Variants in CENPM observed in about 807,000 individuals in gnomAD.
The protein encoded by CENPM is centromere protein M.
A neutral mutation model predicts 19.6 loss-of-function variants in CENPM; 14 were observed. The observed-to-expected ratio is 0.71, with a 90% CI of 0.47 to 1.11. CENPM has a LOEUF of 1.11. Among genes scored for constraint, CENPM ranks in the 50% most tolerant of loss-of-function variants. The probability of loss-of-function intolerance (pLI) is 0.00; values close to 1 mark genes in which losing one functional copy is unlikely to be tolerated. For missense variants in CENPM, 239 were observed against 228.4 expected (o/e 1.05, Z -0.30); for synonymous variants, 114 against 101.5 (o/e 1.12, Z -0.74).
the CENPM span, among the ~76,000 whole-genome samples, chr22:41,929,877 A>G: frequency 6.6e-6 from 1 of 151,388 alleles, no homozygotes; most frequent in Admixed American, 6.6e-5. Flanking sequence ...AGAATTCACA[A>G]TCAGACCAAT....
chr22:41,941,357 A>C (rs2077736994), intron 5 of CENPM, among the ~76,000 whole-genome samples: 1 of 152,206 alleles, frequency 6.6e-6, no homozygotes. Flanking sequence ...CTATGTCCTG[A>C]GCAGGCATTT....
At chr22:41,944,585 A>G in intron 4 of CENPM, 1 of 843,530 alleles carries the variant, frequency 1.2e-6, no homozygotes, top group Non-Finnish European at 1.4e-6. Flanking sequence ...CAATAGGAAT[A>G]TGAAAACAAA....
intron 1 of CENPM, 85 bp downstream of exon 1, chr22:41,946,935 G>T: frequency 7.1e-7 from 1 of 1,400,390 alleles, no homozygotes; most frequent in Non-Finnish European, 1.0e-6. Context: ...CTGGCTTGGC[G>T]CCTCAGAGAG....
At chr22:41,928,812 G>T in the CENPM span, among the ~76,000 whole-genome samples, 1 of 152,124 alleles carries the variant, frequency 6.6e-6, no homozygotes, top group Non-Finnish European at 1.5e-5. This position sits in a 1 kb window ranked among gnomAD's most constrained non-coding sequence, Gnocchi z 4.0. Flanking sequence ...ACCTGCAAGG[G>T]TCCCTCTCTC....
In CENPM at chr22:41,946,015, A is replaced by G; in HGVS notation, c.138-10T>C. The G allele has an allele frequency of 1.2e-6, 2 of 1,606,508 alleles. No individual in the cohort carries two copies. The highest frequency in any genetic ancestry group is 2.2e-5 in the South Asian group (2 of 90,786). On this transcript the variant is annotated splice_polypyrimidine_tract_variant and intron_variant, in intron 2 of 5. Coordinates refer to ENST00000215980, the MANE Select transcript of CENPM (RefSeq NM_024053.5). Reference sequence around the variant, plus strand: ...GGACTTTGCCAAGTGGCTGAAAAACAGGAAATTGCAGGACTCAAGATATCC... The same window carrying G: ...GGACTTTGCCAAGTGGCTGAAAAACGGGAAATTGCAGGACTCAAGATATCC...
the CENPM span, among the ~76,000 whole-genome samples, chr22:41,927,230 T>G: frequency 2.6e-5 from 4 of 152,016 alleles, no homozygotes; most frequent in East Asian, 7.8e-4. Context: ...TGGCCTCTCT[T>G]TCTACCTGTG....
chr22:41,934,711 A>T (rs955339661), downstream of CENPM, among the ~76,000 whole-genome samples: 1 of 152,212 alleles, frequency 6.6e-6, no homozygotes, highest in African/African-American at 2.4e-5. Context: ...CCAGTCCTCA[A>T]CTAGCTAGGA....
intron 4 of CENPM, chr22:41,944,166 G>A (rs535076375): frequency 8.4e-5 from 83 of 985,174 alleles, no homozygotes; most frequent in South Asian, 6.6e-4. Flanking sequence ...GAGGACGGCC[G>A]GGTGCGGTGG....
At chr22:41,936,404 C>G (rs748301525), downstream of CENPM, among the ~76,000 whole-genome samples, 1 of 152,206 alleles carries the variant, frequency 6.6e-6, no homozygotes, top group African/African-American at 2.4e-5. Flanking sequence ...GGGCCTCGAC[C>G]GGAATCTACG....
chr22:41,944,569 T>A, intron 4 of CENPM: 1 of 750,318 alleles, frequency 1.3e-6, no homozygotes, highest in Non-Finnish European at 1.6e-6. Context: ...TAATAACACC[T>A]ACCTCCAATA....
At chr22:41,942,365 C>G (rs538250256) in intron 5 of CENPM, among the ~76,000 whole-genome samples, 49 of 152,288 alleles carry the variant, frequency 3.2e-4, no homozygotes, top group Non-Finnish European at 5.3e-4. Flanking sequence ...AATCCCAGCA[C>G]TTTGGGAGGC....
rs145909734 is a variant in CENPM at position 41,943,671 on chromosome 22, C to G, written c.341G>C (p.Arg114Pro). The G allele has an allele frequency of 1.3e-4, 216 of 1,613,582 alleles. No homozygotes were observed. The highest frequency in any genetic ancestry group is 1.8e-4 in the Non-Finnish European group (213 of 1,179,918). The change falls in exon 5 of 6, where the codon CGG becomes CCG. Residue 114 changes from arginine to proline, a missense_variant. Arg to Pro is a moderately radical substitution (Grantham distance 103). Coordinates refer to ENST00000215980, the MANE Select transcript of CENPM (RefSeq NM_024053.5). ...AGRESHCSIH[R>P]HTVVKLAHTY... ...GTGGGCCAGCTTCACCACGGTGTGC[C>G]GGTGAATGCTGCAGTGGCTCTCCCG...
At chr22:41,928,100 G>A in the CENPM span, 1 of 344,106 alleles carries the variant, frequency 2.9e-6, no homozygotes, top group Non-Finnish European at 5.8e-6. This position sits in a 1 kb window ranked among gnomAD's most constrained non-coding sequence, Gnocchi z 4.0. Context: ...GCACATTAGG[G>A]AGCTTGGACT....
chr22:41,931,679 G>T, the CENPM span, among the ~76,000 whole-genome samples: 1 of 152,228 alleles, frequency 6.6e-6, no homozygotes, highest in Non-Finnish European at 1.5e-5. Flanking sequence ...CCAGCAGATG[G>T]GAGGGGCCTG....
chr22:41,946,183 T>C (rs902246931), intron 2 of CENPM, 178 bp from the exon 3 acceptor site: 26 of 668,260 alleles, frequency 3.9e-5, no homozygotes, highest in Non-Finnish European at 7.9e-6. Context: ...GGTCCGGTCC[T>C]ATTCAGATTA....
the CENPM span, among the ~76,000 whole-genome samples, chr22:41,930,070 A>C: frequency 4.1e-4 from 52 of 127,698 alleles, no homozygotes; most frequent in Admixed American, 5.8e-4. Context: ...CAGCCTCCCG[A>C]GTAGCTGGGA....
chr22:41,931,730 G>T, the CENPM span, among the ~76,000 whole-genome samples: 1 of 151,928 alleles, frequency 6.6e-6, no homozygotes, highest in Non-Finnish European at 1.5e-5. Context: ...CGTGGCCTGG[G>T]CCCTACATGC....
At chr22:41,928,084 T>C in the CENPM span, 1 of 310,098 alleles carries the variant, frequency 3.2e-6, no homozygotes. This position sits in a 1 kb window ranked among gnomAD's most constrained non-coding sequence, Gnocchi z 4.0. Context: ...ACTGGGGCCT[T>C]ATCTAGCACA....
At chr22:41,944,845 G>A (rs78237802) in intron 4 of CENPM, 10,756 of 1,030,402 alleles carry the variant, frequency 0.01, 65 homozygotes, top group Non-Finnish European at 0.012. Context: ...CCAAGTAATG[G>A]CAGAGTTATC....
Sources: allele counts gnomAD v4.1 joint callset (sites outside exome capture counted in the v4.1 genomes callset), GRCh38; gene constraint gnomAD v4.1.1; non-coding constraint Gnocchi (gnomAD v3.1); transcripts MANE v1.5; gene names NCBI Gene and HGNC (gene_info 2026-07-23, HGNC 2026-07-21).